Variants in FGF14 observed in about 807,000 individuals in gnomAD.
The protein encoded by FGF14 is fibroblast growth factor 14, also known as fibroblast growth factor homologous factor 4.
FGF14 carries 5 observed loss-of-function variants against 25.5 expected under a neutral mutation model. The observed-to-expected ratio is 0.20, with a 90% confidence interval of 0.10 to 0.41. The LOEUF is 0.41. FGF14 is among the 10% of genes least tolerant of loss of function. The pLI is 1.00. For synonymous variants in FGF14, 138 were observed against 118.3 expected, an observed-to-expected ratio of 1.17 and a Z score of -1.08; for missense variants, 222 against 320.1, an observed-to-expected ratio of 0.69 and a Z score of 2.34.
At chr13:102,073,692 C>G (rs1412734664) in intron 1 of FGF14, among the ~76,000 whole-genome samples, 1 of 152,118 alleles carries the variant, frequency 6.6e-6, no homozygotes, top group Non-Finnish European at 1.5e-5. Context: ...TGGGAAAAAG[C>G]AATAACAATC....
intron 3 of FGF14, among the ~76,000 whole-genome samples, chr13:101,790,665 T>C (rs1225378125): frequency 6.6e-6 from 1 of 152,100 alleles, no homozygotes; most frequent in Non-Finnish European, 1.5e-5. Flanking sequence ...CATGCCTCAT[T>C]GTCCCTTTTT....
At chr13:101,814,254 A>C (rs573358225) in intron 3 of FGF14, among the ~76,000 whole-genome samples, 32 of 152,366 alleles carry the variant, frequency 2.1e-4, no homozygotes, top group Admixed American at 4.6e-4. Context: ...ATTCACGTGC[A>C]CATTCAGGTT....
chr13:101,941,085 T>C (rs570455931), intron 1 of FGF14, among the ~76,000 whole-genome samples: 5 of 152,300 alleles, frequency 3.3e-5, no homozygotes, highest in East Asian at 1.9e-4. Flanking sequence ...AAGAGCAACA[T>C]TGCGGAGCGA....
At chr13:101,921,739 T>C (rs1257109662), upstream of FGF14, among the ~76,000 whole-genome samples, 2 of 152,178 alleles carry the variant, frequency 1.3e-5, no homozygotes, top group African/African-American at 4.8e-5. Context: ...TCATCTCTAT[T>C]CATCTCCCTT....
intron 3 of FGF14, among the ~76,000 whole-genome samples, chr13:101,863,423 A>G (rs1188816623): frequency 1.3e-5 from 2 of 152,172 alleles, no homozygotes; most frequent in African/African-American, 4.8e-5. Context: ...TATTTGATTA[A>G]GCACATGCAC....
intron 1 of FGF14, among the ~76,000 whole-genome samples, chr13:101,909,686 A>ATT: frequency 6.6e-6 from 1 of 152,314 alleles, no homozygotes; most frequent in East Asian, 1.9e-4. Context: ...CAGTGTGGCG[A>ATT]TTCCTCAGGG....
chr13:102,334,182 T>C (rs957335053), intron 1 of FGF14, among the ~76,000 whole-genome samples: 13 of 152,158 alleles, frequency 8.5e-5, no homozygotes, highest in African/African-American at 3.1e-4. Flanking sequence ...AGCAGCCAAG[T>C]TCAATCAAGT....
At chr13:101,863,461 A>T (rs547114190) in intron 3 of FGF14, among the ~76,000 whole-genome samples, 87 of 152,302 alleles carry the variant, frequency 5.7e-4, no homozygotes, top group African/African-American at 2.0e-3. Context: ...CAACAAAACA[A>T]ATAAACATAA....
At chr13:102,154,752 G>C (rs2140523006) in intron 1 of FGF14, among the ~76,000 whole-genome samples, 1 of 152,096 alleles carries the variant, frequency 6.6e-6, no homozygotes, top group East Asian at 1.9e-4. Context: ...ACCCATCAGT[G>C]TACTGTATTC....
At position 101,916,724 on chromosome 13, in the gene FGF14, C is replaced by T; in HGVS notation, c.-79G>A. The stretch of plus-strand genomic sequence containing the variant: ...GGGGCACCGGAGGGGAAGGCGGCGG[C>T]GCAGACCGTGGCTCGCCCTCGGGGC... On this transcript the variant is annotated 5_prime_UTR_variant, in exon 1 of 5. Coordinates refer to ENST00000376143, the MANE Select transcript of FGF14 (RefSeq NM_004115.4). The T allele has an allele frequency of 3.8e-6, 5 of 1,299,732 alleles. No homozygotes were observed. In the East Asian group the frequency reaches 7.8e-5, roughly 20 times the overall value. The allele number at this position is 1,299,732 out of a possible 1,614,324, so 80.5% of individuals were successfully genotyped here.
intron 1 of FGF14, among the ~76,000 whole-genome samples, chr13:102,254,903 T>C (rs996929206): frequency 9.2e-5 from 14 of 152,244 alleles, no homozygotes; most frequent in Non-Finnish European, 2.1e-4. Context: ...ACTTGCTTCA[T>C]GTTTTAATTA....
rs1404434930 is a variant in FGF14, at chr13:102,032,306, T to C, written c.209-157010A>G. Among the ~76,000 whole-genome samples the C allele has an allele frequency of 3.9e-5, 6 of 152,256 alleles. No homozygotes were observed. In the East Asian group the frequency reaches 1.2e-3, roughly 30 times the overall value. ...TCCCACTCTGCAAGGAGGGTCCTAATTTGTCTGACTAGTTCTTGTGCTCTG... is the reference window on the plus strand; with the variant it reads ...TCCCACTCTGCAAGGAGGGTCCTAACTTGTCTGACTAGTTCTTGTGCTCTG... On this transcript the variant is annotated intron_variant, in intron 1 of 4. Coordinates refer to the FGF14 transcript ENST00000376131.
chr13:102,172,697 C>T (rs1205536772), intron 1 of FGF14, among the ~76,000 whole-genome samples: 3 of 152,094 alleles, frequency 2.0e-5, no homozygotes. Context: ...ATGTTTTGAG[C>T]CCACAATGAA....
At position 101,720,001 on chromosome 13, in the gene FGF14, G is replaced by A. The variant is rs753739943; in HGVS notation, c.*2830C>T. The A allele has an allele frequency of 1.3e-5, 2 of 152,058 alleles. No homozygotes were observed. Among genetic ancestry groups the A allele is most frequent in the Non-Finnish European group, 2.9e-5 (2 of 68,002 alleles). 9.4% of individuals were successfully genotyped at this position (152,058 alleles called of 1,614,324 possible). Reference sequence around the variant, plus strand: ...ATTTACATGACATTTCTCTATATTGGTGAGTAATGCAATGCCATTTTGTTA... The same window carrying A: ...ATTTACATGACATTTCTCTATATTGATGAGTAATGCAATGCCATTTTGTTA... On this transcript the variant is annotated 3_prime_UTR_variant, in exon 5 of 5. Transcript: ENST00000376143.
chr13:101,813,502 CA>C (rs151160361), intron 3 of FGF14, among the ~76,000 whole-genome samples: 7,461 of 152,140 alleles, frequency 0.049, 609 homozygotes, highest in African/African-American at 0.17. Flanking sequence ...CACCAGACAC[CA>C]AATGCCAGTG....
intron 1 of FGF14, among the ~76,000 whole-genome samples, chr13:102,272,760 T>C (rs929135283): frequency 1.3e-5 from 2 of 151,814 alleles, no homozygotes; most frequent in South Asian, 4.2e-4. Flanking sequence ...TTGAGTGATA[T>C]ATCTATATAT....
At chr13:101,986,802 T>C (rs554113264) in intron 1 of FGF14, among the ~76,000 whole-genome samples, 1 of 152,128 alleles carries the variant, frequency 6.6e-6, no homozygotes, top group East Asian at 1.9e-4. Context: ...CAAAATCTAT[T>C]CATGTTTAAA....
At chr13:102,244,294 A>T (rs758641994) in intron 1 of FGF14, among the ~76,000 whole-genome samples, 5 of 151,968 alleles carry the variant, frequency 3.3e-5, no homozygotes. Context: ...GTAACTTGCA[A>T]GTTGGGTGTG....
intron 1 of FGF14, among the ~76,000 whole-genome samples, chr13:102,060,479 T>A (rs2042634791): frequency 1.3e-5 from 2 of 152,164 alleles, no homozygotes. Context: ...TGAGCCGAGA[T>A]CGCGCCACTG....
Sources: allele counts gnomAD v4.1 joint callset (sites outside exome capture counted in the v4.1 genomes callset), GRCh38; gene constraint gnomAD v4.1.1; transcripts MANE v1.5; gene names NCBI Gene and HGNC (gene_info 2026-07-23, HGNC 2026-07-21).